The following NRXN1 variants were observed in gnomAD, a reference collection of about 807,000 sequenced individuals.
NRXN1 encodes neurexin 1.
In NRXN1, 39 loss-of-function variants were observed where a neutral mutation model predicts 150.9. The ratio of observed to expected loss-of-function variants is 0.26; its 90% CI spans 0.20 to 0.34. The LOEUF is 0.34. NRXN1 is among the 10% of genes least tolerant of loss of function. The pLI is 1.00. For missense variants in NRXN1, 1,815 were observed against 1,949.9 expected, an observed-to-expected ratio of 0.93 and a Z score of 1.30; for synonymous variants, 924 against 757.0, an observed-to-expected ratio of 1.22 and a Z score of -3.62.
At chr2:50,874,296 T>C (rs1351966170) in intron 5 of NRXN1, among the ~76,000 whole-genome samples, 1 of 151,910 alleles carries the variant, frequency 6.6e-6, no homozygotes, top group Non-Finnish European at 1.5e-5. Flanking sequence ...GTAAACTGAA[T>C]ATCAACACAT....
At chr2:50,181,322 A>G (rs2060698895) in intron 18 of NRXN1, among the ~76,000 whole-genome samples, 1 of 152,128 alleles carries the variant, frequency 6.6e-6, no homozygotes, top group African/African-American at 2.4e-5. Flanking sequence ...GGCAAAAAAA[A>G]AATACCCTGT....
At chr2:50,502,637 C>A (rs1440246444) in intron 13 of NRXN1, among the ~76,000 whole-genome samples, 4 of 152,062 alleles carry the variant, frequency 2.6e-5, no homozygotes. Context: ...AGCCAGGATT[C>A]TCATCTTGGA....
At chr2:50,837,335 T>C (rs1054293696) in intron 5 of NRXN1, among the ~76,000 whole-genome samples, 1 of 152,164 alleles carries the variant, frequency 6.6e-6, no homozygotes, top group Non-Finnish European at 1.5e-5. Context: ...CAAAGCACTT[T>C]CTTTGCATTT....
intron 21 of NRXN1, among the ~76,000 whole-genome samples, chr2:50,007,558 A>C (rs1257686751): frequency 6.6e-6 from 1 of 152,110 alleles, no homozygotes; most frequent in Non-Finnish European, 1.5e-5. Flanking sequence ...AAAGAACATG[A>C]ACTCATCCTT....
In NRXN1 at chr2:50,269,407, C is replaced by G. The variant is rs531688997; in HGVS notation, c.3365-32437G>C. 2.0e-5 allele frequency among the ~76,000 whole-genome samples: 3 copies of G among 152,224 alleles called. No individual in the cohort carries two copies. The South Asian group carries it at 6.2e-4, about 32-fold the overall frequency. ...AAAAGATAGTATGCACTGTATTTCC[C>G]AACTTTGTATTTAAGTCCATGATTA... On this transcript the variant is annotated intron_variant, in intron 17 of 22. Transcript: ENST00000401669.
intron 21 of NRXN1, among the ~76,000 whole-genome samples, chr2:49,995,083 C>A (rs970900602): frequency 1.3e-5 from 2 of 152,200 alleles, no homozygotes; most frequent in Non-Finnish European, 2.9e-5. Context: ...CTTCTTTGCA[C>A]CTTTCGATTT....
chr2:50,216,875 G>T (rs1348892247), intron 18 of NRXN1, among the ~76,000 whole-genome samples: 1 of 152,040 alleles, frequency 6.6e-6, no homozygotes, highest in East Asian at 1.9e-4. Context: ...ATAATCACAA[G>T]TTCTAAATTA....
chr2:50,552,766 T>C lies in NRXN1; in HGVS notation c.1580A>G (p.Gln527Arg). 1.2e-6 allele frequency: 2 copies of C among 1,614,002 alleles called. No homozygotes were observed. The highest frequency in any genetic ancestry group is 1.1e-5 in the South Asian group (1 of 91,086). The change falls in exon 9 of 23, where the codon CAG (glutamine) becomes CGG (arginine). Residue 527 changes from glutamine to arginine, a missense_variant. Gln to Arg is a conservative substitution (Grantham distance 43, BLOSUM62 1). Around this residue, in one of 6 missense-constraint regions of NRXN1, gnomAD observed 638 missense variants for 652.6 expected, o/e 0.98. Coordinates refer to ENST00000401669, the MANE Select transcript of NRXN1 (RefSeq NM_001330078.2). ...CATCTGTGGGTGCTTGGCATCTTTC[T>C]GATGTCTTGGCTTGCCATGGCTAAA... Reference protein sequence around the residue: ...ILFSHGKPRHQKDAKHPQMIK... With the variant: ...ILFSHGKPRHRKDAKHPQMIK...
chr2:50,353,058 G>A (rs1328441495), intron 17 of NRXN1, among the ~76,000 whole-genome samples: 2 of 151,922 alleles, frequency 1.3e-5, no homozygotes, highest in East Asian at 1.9e-4. Flanking sequence ...GAGCCAATGC[G>A]GTACTCAAGT....
chr2:50,963,116 T>G (rs150007992), intron 2 of NRXN1, among the ~76,000 whole-genome samples: 2,111 of 151,780 alleles, frequency 0.014, 23 homozygotes, highest in Non-Finnish European at 0.021. Context: ...AAGCATGTGT[T>G]GCAAGTGAAT....
At chr2:50,694,795 T>A (rs2104908334) in intron 5 of NRXN1, among the ~76,000 whole-genome samples, 2 of 152,324 alleles carry the variant, frequency 1.3e-5, no homozygotes, top group Middle Eastern at 3.4e-3. Context: ...AAATGCTCTC[T>A]GGAACAAAAG....
At chr2:50,430,004 A>T (rs557633382) in intron 17 of NRXN1, among the ~76,000 whole-genome samples, 4 of 152,182 alleles carry the variant, frequency 2.6e-5, no homozygotes, top group Non-Finnish European at 4.4e-5. Flanking sequence ...CATAAAACAG[A>T]ATACACTCTG....
At chr2:50,423,481 A>C (rs2084163516) in intron 17 of NRXN1, among the ~76,000 whole-genome samples, 2 of 152,186 alleles carry the variant, frequency 1.3e-5, no homozygotes, top group African/African-American at 2.4e-5. Flanking sequence ...AACACAAAGA[A>C]GTCACCTTAA....
intron 17 of NRXN1, among the ~76,000 whole-genome samples, chr2:50,336,689 G>C (rs527918970): frequency 1.1e-3 from 168 of 152,222 alleles, no homozygotes; most frequent in African/African-American, 3.9e-3. Context: ...TTGCCATCTA[G>C]AATGAAAGTA....
chr2:50,423,741 A>G (rs974105231), intron 17 of NRXN1, among the ~76,000 whole-genome samples: 1 of 152,098 alleles, frequency 6.6e-6, no homozygotes, highest in African/African-American at 2.4e-5. Flanking sequence ...AAAGCATCAG[A>G]TAGTATCATT....
At chr2:50,654,816 C>A (rs1686173905) in intron 5 of NRXN1, among the ~76,000 whole-genome samples, 1 of 151,994 alleles carries the variant, frequency 6.6e-6, no homozygotes, top group Admixed American at 6.6e-5. Flanking sequence ...CTGTTGGCTG[C>A]ATAAATGTCT....
chr2:50,597,965 G>A (rs775574475), intron 8 of NRXN1, among the ~76,000 whole-genome samples: 3 of 151,738 alleles, frequency 2.0e-5, no homozygotes, highest in Non-Finnish European at 2.9e-5. Flanking sequence ...ATGGTGAAAC[G>A]TCATCTTTAC....
At chr2:50,482,403 C>G (rs1020801076) in intron 15 of NRXN1, among the ~76,000 whole-genome samples, 13 of 152,260 alleles carry the variant, frequency 8.5e-5, no homozygotes, top group Admixed American at 3.9e-4. Flanking sequence ...TGGGTACAAA[C>G]AGTTTCAGTT....
chr2:50,905,486 A>G (rs1030820242), intron 5 of NRXN1, among the ~76,000 whole-genome samples: 1 of 152,140 alleles, frequency 6.6e-6, no homozygotes. Context: ...ACATCTATGA[A>G]CCAGAAAGCT....
Sources: gnomAD v4.1 joint callset for allele counts (sites outside exome capture counted in the v4.1 genomes callset) on GRCh38, gnomAD v4.1.1 for gene constraint, gnomAD v4.1.1 regional missense constraint, MANE v1.5 for transcripts, NCBI Gene and HGNC (gene_info 2026-07-23, HGNC 2026-07-21) for gene names.